FGFR1: variants seen among roughly 807,000 people sequenced by gnomAD.
FGFR1 encodes fibroblast growth factor receptor 1.
FGFR1 carries 18 observed loss-of-function variants against 93.7 expected under a neutral mutation model. The observed-to-expected ratio is 0.19, with a 90% CI of 0.13 to 0.28. The LOEUF (loss-of-function observed/expected upper bound fraction) is 0.28, where lower values mean the gene tolerates loss of function less well. Ranked by LOEUF, FGFR1 falls within the 10% of genes least tolerant of loss-of-function variation. The pLI, the probability that FGFR1 is intolerant of heterozygous loss-of-function variation, is 1.00. For missense variants in FGFR1, 731 were observed against 1,080.4 expected, an observed-to-expected ratio of 0.68 and a Z score of 4.53; for synonymous variants, 448 against 429.3, an observed-to-expected ratio of 1.04 and a Z score of -0.54.
rs559793442 is a variant in FGFR1 at position 38,464,302 on chromosome 8, G to T, written c.-89+3679C>A. Among the ~76,000 whole-genome samples the T allele has an allele frequency of 3.4e-5, 4 of 119,002 alleles. No homozygotes were observed. The South Asian group carries it at 1.2e-3, about 37-fold the overall frequency. 78.1% of individuals were successfully genotyped at this position (119,002 alleles called of 152,430 possible). ...AGCACTCCAGCCTGGGCGACAGAGC[G>T]AGACTATCTCAAAAAAAAAAAAAAA... On this transcript the variant is annotated intron_variant, in intron 1 of 17. Transcript: ENST00000447712.
chr8:38,461,700 C>G (rs938374371), intron 1 of FGFR1, among the ~76,000 whole-genome samples: 3 of 152,112 alleles, frequency 2.0e-5, no homozygotes, highest in African/African-American at 7.3e-5. Flanking sequence ...CTTAACCGTT[C>G]TAAGCCTCGG....
intron 2 of FGFR1, among the ~76,000 whole-genome samples, chr8:38,448,869 C>T (rs574003885): frequency 2.3e-4 from 35 of 152,256 alleles, no homozygotes; most frequent in Admixed American, 1.3e-4. Context: ...GCAGAAGAAT[C>T]GCTAGCACCT....
intron 1 of FGFR1, among the ~76,000 whole-genome samples, chr8:38,459,373 T>G (rs963472730): frequency 6.6e-6 from 1 of 152,228 alleles, no homozygotes; most frequent in Admixed American, 6.5e-5. Flanking sequence ...TTCGTTCACA[T>G]GTGCTTGGCC....
chr8:38,414,376 G>A (rs1815533682), intron 15 of FGFR1, 87 bp from the exon 16 acceptor site: 1 of 1,598,292 alleles, frequency 6.3e-7, no homozygotes, highest in Non-Finnish European at 8.6e-7. Flanking sequence ...GCAGTGCCAG[G>A]AGACAGCATG....
chr8:38,411,419 T>C lies in FGFR1; in HGVS notation c.*2209A>G, dbSNP rs929652963. 4.5e-6 allele frequency: 1 copy of C among 223,362 alleles called. No homozygotes were observed. The highest frequency in any genetic ancestry group is 8.9e-6 in the Non-Finnish European group (1 of 111,948). The allele number at this position is 223,362 out of a possible 1,614,324, so 13.8% of individuals were successfully genotyped here. A position where few individuals can be genotyped will look rare whatever the true frequency, so the allele number is the denominator to read the frequency against. On this transcript the variant is annotated 3_prime_UTR_variant, in exon 18 of 18. Transcript: ENST00000447712. Reference sequence around the variant, plus strand: ...AATGCTTTTAAGAGCTAAAAATTCATTTCCTAGTTCTGTTCACCAAATGAT... The same window carrying C: ...AATGCTTTTAAGAGCTAAAAATTCACTTCCTAGTTCTGTTCACCAAATGAT...
chr8:38,422,746 G>C (rs566056487), intron 7 of FGFR1: 1 of 410,340 alleles, frequency 2.4e-6, no homozygotes, highest in South Asian at 3.8e-5. Context: ...ACTTCAGTCT[G>C]AAGTACCATT....
intron 2 of FGFR1, among the ~76,000 whole-genome samples, chr8:38,446,330 C>T (rs1354105270): frequency 1.3e-5 from 2 of 152,060 alleles, no homozygotes; most frequent in Admixed American, 6.5e-5. Flanking sequence ...CCCGCCTCAG[C>T]CTCCCGAGTA....
At chr8:38,423,486 T>C (rs1012802966) in intron 7 of FGFR1, 7 of 304,528 alleles carry the variant, frequency 2.3e-5, no homozygotes, top group African/African-American at 4.6e-5. Context: ...TATGCACAGC[T>C]AATTTTTGTA....
chr8:38,414,301 C>T lies in FGFR1; in HGVS notation c.2049-12G>A, dbSNP rs563601371. The T allele has an allele frequency of 1.5e-5, 24 of 1,614,136 alleles. No individual in the cohort carries two copies. Among genetic ancestry groups the T allele is most frequent in the South Asian group, 8.8e-5 (8 of 91,088 alleles). ...CCCCGAAAGACCACCTGCAAATGGG[C>T]GGAGAGCCACAGGGTGTTAGAGCTT... On this transcript the variant is annotated splice_polypyrimidine_tract_variant and intron_variant, in intron 15 of 17. Coordinates refer to ENST00000447712, the MANE Select transcript of FGFR1 (RefSeq NM_023110.3).
chr8:38,427,777 A>T, intron 5 of FGFR1, 144 bp downstream of exon 5: 1 of 849,376 alleles, frequency 1.2e-6, no homozygotes, highest in Admixed American at 2.5e-5. Context: ...CTTTATTTGC[A>T]TTTTTTTGTA....
At position 38,424,543 on chromosome 8, in the gene FGFR1, C is replaced by T. The variant is rs762320540; in HGVS notation, c.902G>A (p.Gly301Asp). The T allele has an allele frequency of 9.9e-6, 16 of 1,614,206 alleles. No homozygotes were observed. Among genetic ancestry groups the T allele is most frequent in the East Asian group, 2.2e-5 (1 of 44,886 alleles). Residue 301 changes from glycine to aspartate, a missense_variant, in exon 7 of 18, where the codon GGC (glycine) becomes GAC (aspartate). Physicochemically the swap from Gly to Asp is moderately conservative, Grantham distance 94. Coordinates refer to ENST00000447712, the MANE Select transcript of FGFR1 (RefSeq NM_023110.3). The surrounding 1 kb of genome is among the most constrained non-coding windows in gnomAD (Gnocchi z 4.3). ...CTGGACATAAGGCAGGTTGTCTGGG[C>T]CAATCTTGCTCCCATTCACCTCGAT... ...KHIEVNGSKI[G>D]PDNLPYVQIL...
chr8:38,411,569 A>C lies in FGFR1; in HGVS notation c.*2059T>G, dbSNP rs1814427570. On this transcript the variant is annotated 3_prime_UTR_variant, in exon 18 of 18. Transcript: ENST00000447712. ...AAAAAATCCCTAGCTCAGAAATTTA[A>C]AGCAGCAATCCCATTTTCCCTACAG... 1 of 228,250 alleles carries C rather than the reference A, an allele frequency of 4.4e-6. No homozygotes were observed. 14.1% of individuals were successfully genotyped at this position (228,250 alleles called of 1,614,324 possible). A position where few individuals can be genotyped will look rare whatever the true frequency, so the allele number is the denominator to read the frequency against.
chr8:38,416,140 A>G, intron 12 of FGFR1, 80 bp from the exon 13 acceptor site: 1 of 1,291,008 alleles, frequency 7.7e-7, no homozygotes. Context: ...CCCCACCCCC[A>G]GCAGCACACC....
chr8:38,435,739 T>A (rs1825145801), intron 2 of FGFR1: 1 of 152,206 alleles, frequency 6.6e-6, no homozygotes, highest in African/African-American at 2.4e-5. Flanking sequence ...CAGGGTGTCG[T>A]TAGGTGTCCA....
chr8:38,418,159 C>T (rs1817396044), intron 10 of FGFR1, 69 bp downstream of exon 10: 4 of 1,606,108 alleles, frequency 2.5e-6, no homozygotes, highest in Non-Finnish European at 3.4e-6. Context: ...TGTTAGTATA[C>T]ACACCTTCCA....
In FGFR1 at chr8:38,449,320, T is replaced by C. The variant is rs140278260; in HGVS notation, c.91+8036A>G. Among the ~76,000 whole-genome samples the C allele has an allele frequency of 8.7e-3, 1,316 of 152,130 alleles. 9 individuals carry two copies. Among genetic ancestry groups the C allele is most frequent in the Middle Eastern group, 0.014 (4 of 294 alleles). On this transcript the variant is annotated intron_variant, in intron 2 of 17. Transcript: ENST00000447712. ...CAGCTAAGGGACTAGGATAAAACAA[T>C]GTATAAAGTATACATTGTATTTACG...
chr8:38,440,940 G>A (rs934568563), intron 2 of FGFR1, among the ~76,000 whole-genome samples: 3 of 152,168 alleles, frequency 2.0e-5, no homozygotes, highest in African/African-American at 4.8e-5. Flanking sequence ...GGGGCCCAGA[G>A]TTTTGTTTTG....
chr8:38,423,189 A>G, intron 7 of FGFR1: 1 of 778,122 alleles, frequency 1.3e-6, no homozygotes, highest in Admixed American at 1.7e-5. Flanking sequence ...GAACAAACCA[A>G]CGACACACCA....
intron 1 of FGFR1, chr8:38,467,601 C>A: frequency 4.2e-6 from 1 of 235,908 alleles, no homozygotes; most frequent in Non-Finnish European, 8.3e-6. Context: ...CCCACTCCCG[C>A]CCTCCTCCCC....
Sources: allele counts gnomAD v4.1 joint callset (sites outside exome capture counted in the v4.1 genomes callset), GRCh38; gene constraint gnomAD v4.1.1; non-coding constraint Gnocchi (gnomAD v3.1); transcripts MANE v1.5; gene names NCBI Gene and HGNC (gene_info 2026-07-23, HGNC 2026-07-21).